The following SSH2 variants were observed in gnomAD, a reference collection of about 807,000 sequenced individuals.
The protein encoded by SSH2 is protein phosphatase Slingshot homolog 2.
Under a neutral mutation model 135.2 loss-of-function variants are expected in SSH2, and 37 were observed. That is an observed-to-expected ratio of 0.27 (90% CI 0.21 to 0.36). The LOEUF (loss-of-function observed/expected upper bound fraction) is 0.36, where lower values mean the gene tolerates loss of function less well. Among genes scored for constraint, SSH2 ranks in the 10% least tolerant of loss-of-function variants. The pLI, the probability that SSH2 is intolerant of heterozygous loss-of-function variation, is 1.00. For synonymous variants in SSH2, 628 were observed against 646.2 expected (o/e 0.97, Z 0.43); for missense variants, 1,408 against 1,765.3 (o/e 0.80, Z 3.63).
At chr17:29,815,285 A>T (rs1001453989) in intron 2 of SSH2, among the ~76,000 whole-genome samples, 24 of 151,846 alleles carry the variant, frequency 1.6e-4, no homozygotes, top group Non-Finnish European at 1.0e-4. Context: ...CACCACACCC[A>T]GCTAACTTTT....
intron 2 of SSH2, among the ~76,000 whole-genome samples, chr17:29,798,663 GA>G (rs1567981332): frequency 6.6e-6 from 1 of 152,152 alleles, no homozygotes; most frequent in Non-Finnish European, 1.5e-5. Flanking sequence ...TAGGAATGAA[GA>G]AATTGAGGTA....
At chr17:29,754,985 C>A (rs1440384669) in intron 3 of SSH2, among the ~76,000 whole-genome samples, 1 of 152,112 alleles carries the variant, frequency 6.6e-6, no homozygotes, top group Non-Finnish European at 1.5e-5. Flanking sequence ...GTAGTCTTTG[C>A]CAGAATTTTA....
At chr17:29,864,303 C>CTAAATAAATAAATAAATAAA (rs201550583) in intron 1 of SSH2, 2 of 142,478 alleles carry the variant, frequency 1.4e-5, no homozygotes, top group Admixed American at 7.1e-5. Context: ...AAAACTCCAT[C>CTAAATAAATAAATAAATAAA]TAAATAAATA....
intron 11 of SSH2, among the ~76,000 whole-genome samples, chr17:29,657,231 T>G (rs1466647573): frequency 3.7e-4 from 52 of 139,738 alleles, no homozygotes; most frequent in East Asian, 1.3e-3. Context: ...CCTCCCAAAG[T>G]GCGGGGATTA....
intron 1 of SSH2, among the ~76,000 whole-genome samples, chr17:29,923,771 T>G (rs988403240): frequency 4.6e-5 from 7 of 151,974 alleles, no homozygotes; most frequent in Non-Finnish European, 1.5e-5. Context: ...CCAGGCGTGG[T>G]GGTGCACGTC....
intron 9 of SSH2, among the ~76,000 whole-genome samples, chr17:29,670,558 G>T (rs779977331): frequency 3.3e-5 from 5 of 152,174 alleles, no homozygotes; most frequent in African/African-American, 9.7e-5. Flanking sequence ...CACTTTGGGA[G>T]GCCGAGGCAG....
At chr17:29,636,870 A>C in intron 14 of SSH2, 68 bp from the exon 15 acceptor site, 2 of 1,079,898 alleles carry the variant, frequency 1.9e-6, no homozygotes, top group Non-Finnish European at 2.7e-6. Flanking sequence ...CTCCCAGGAA[A>C]ACACTCCCAG....
At chr17:29,658,274 T>C (rs916527069) in intron 11 of SSH2, among the ~76,000 whole-genome samples, 1 of 152,060 alleles carries the variant, frequency 6.6e-6, no homozygotes. Flanking sequence ...AGTGCTGGGA[T>C]TACAGACAGG....
intron 3 of SSH2, among the ~76,000 whole-genome samples, chr17:29,736,070 C>T (rs2040353250): frequency 6.6e-6 from 1 of 152,100 alleles, no homozygotes; most frequent in Non-Finnish European, 1.5e-5. Context: ...GCAGTCCAGC[C>T]TGGACGACAG....
chr17:29,923,898 T>A (rs1348362401), intron 1 of SSH2, among the ~76,000 whole-genome samples: 4 of 152,122 alleles, frequency 2.6e-5, no homozygotes, highest in Admixed American at 2.6e-4. Context: ...AGACTGAGAC[T>A]CTGTCTCAAA....
In SSH2 at chr17:29,634,879, T is replaced by C. The variant is rs73280617; in HGVS notation, c.2262+1089A>G. Among the ~76,000 whole-genome samples, 278 of 150,878 alleles carry C rather than the reference T, an allele frequency of 1.8e-3. 3 individuals carry two copies. Among genetic ancestry groups the C allele is most frequent in the African/African-American group, 6.0e-3 (244 of 40,982 alleles). On this transcript the variant is annotated intron_variant, in intron 15 of 15. Transcript: ENST00000540801. ...CCCTTGATTCTTGAGTACCACAGCA[T>C]TGGAGATGAAGAAGTCAGGTACATT...
chr17:29,780,420 T>G (rs1170947491), intron 3 of SSH2: 1 of 149,446 alleles, frequency 6.7e-6, no homozygotes, highest in Non-Finnish European at 1.5e-5. Context: ...TCTCTGTAAG[T>G]ATGAGATTGT....
In SSH2 at chr17:29,631,211, G is replaced by A. The variant is rs1168968323; in HGVS notation, c.3983C>T (p.Ala1328Val). The change falls in exon 16 of 16, where the codon GCG becomes GTG. Residue 1328 changes from alanine (A) to valine (V), a missense_variant. This residue lies in a region of SSH2 where 1,080 missense variants were observed against 1,144.5 expected (regional missense o/e 0.94). Transcript: ENST00000540801. ...TTCTAGGGACTCTTGGTCCTCCATCGCGTGCATGCCTGAGTCTGTTCTGAG... is the reference window on the plus strand; with the variant it reads ...TTCTAGGGACTCTTGGTCCTCCATCACGTGCATGCCTGAGTCTGTTCTGAG... ...PFLRTDSGMH[A>V]MEDQESLENP... 1.4e-5 allele frequency: 22 copies of A among 1,613,960 alleles called. No individual in the cohort carries two copies. The Admixed American group carries it at 2.2e-4, about 16-fold the overall frequency.
intron 3 of SSH2, among the ~76,000 whole-genome samples, chr17:29,726,325 G>T (rs913053865): frequency 6.6e-6 from 1 of 152,192 alleles, no homozygotes; most frequent in Non-Finnish European, 1.5e-5. Flanking sequence ...ATTGTATGGG[G>T]AAACAGTGGA....
chr17:29,773,740 C>T (rs560888168), intron 3 of SSH2, among the ~76,000 whole-genome samples: 9 of 152,054 alleles, frequency 5.9e-5, no homozygotes, highest in East Asian at 1.9e-4. Flanking sequence ...TGCAATGGCA[C>T]GATCTCGGCT....
At chr17:29,920,469 T>G (rs1260730468) in intron 1 of SSH2, among the ~76,000 whole-genome samples, 5 of 152,220 alleles carry the variant, frequency 3.3e-5, no homozygotes, top group African/African-American at 1.2e-4. Flanking sequence ...CTAAACTAAC[T>G]AAATTCCTAT....
intron 2 of SSH2, among the ~76,000 whole-genome samples, chr17:29,819,371 GC>G (rs2151339793): frequency 6.6e-6 from 1 of 152,128 alleles, no homozygotes; most frequent in Admixed American, 6.6e-5. Flanking sequence ...GCCTTGAACA[GC>G]CCATGAAAGG....
At chr17:29,813,324 A>C (rs1159422106) in intron 2 of SSH2, among the ~76,000 whole-genome samples, 2 of 151,616 alleles carry the variant, frequency 1.3e-5, no homozygotes, top group Non-Finnish European at 2.9e-5. Flanking sequence ...CGGAGGTTGC[A>C]GTGAGTTGAG....
intron 3 of SSH2, among the ~76,000 whole-genome samples, chr17:29,772,102 G>T (rs1486543993): frequency 2.1e-5 from 2 of 96,798 alleles, no homozygotes; most frequent in Admixed American, 1.7e-4. Flanking sequence ...ACTGAGAAAA[G>T]ATGTGGTTTT....
Sources: allele counts gnomAD v4.1 joint callset (sites outside exome capture counted in the v4.1 genomes callset), GRCh38; gene constraint gnomAD v4.1.1; regional missense constraint gnomAD v4.1.1; transcripts MANE v1.5; gene names NCBI Gene and HGNC (gene_info 2026-07-23, HGNC 2026-07-21).